USP8: variants seen among roughly 807,000 people sequenced by gnomAD.
The protein encoded by USP8 is ubiquitin carboxyl-terminal hydrolase 8.
A neutral mutation model predicts 130.0 loss-of-function variants in USP8; 27 were observed. That is an observed-to-expected ratio of 0.21 (90% confidence interval 0.15 to 0.29). USP8 has a LOEUF of 0.29. Ranked by LOEUF, USP8 falls within the 10% of genes least tolerant of loss-of-function variation. USP8 has a pLI of 1.00. For missense variants in USP8, 1,029 were observed against 1,312.2 expected (o/e 0.78, Z 3.33); for synonymous variants, 392 against 444.1 (o/e 0.88, Z 1.48).
rs535741597 is a variant in USP8 at position 50,494,282 on chromosome 15, T to TAAGA, written c.2658+5_2658+8dup. On this transcript the variant is annotated splice_region_variant and intron_variant, in intron 16 of 19. Transcript: ENST00000307179. ...GGTCTCCATGAAGATCTAAATAAAG[T>TAAGA]AAGAAATTTGATTTTTCTAAGTTGC... 2.6e-3 allele frequency: 4,122 copies of TAAGA among 1,592,458 alleles called. 8 individuals carry two copies. The highest frequency in any genetic ancestry group is 7.2e-3 in the Middle Eastern group (39 of 5,448).
At chr15:50,484,780 T>C (rs1057442429) in intron 12 of USP8, among the ~76,000 whole-genome samples, 26 of 152,212 alleles carry the variant, frequency 1.7e-4, no homozygotes, top group African/African-American at 6.3e-4. Context: ...AAATATGGTA[T>C]GTACATGTAA....
chr15:50,480,413 G>A (rs1196158291), intron 10 of USP8, among the ~76,000 whole-genome samples: 2 of 152,072 alleles, frequency 1.3e-5, no homozygotes, highest in Non-Finnish European at 2.9e-5. Flanking sequence ...ATTCTAGGAG[G>A]GAAGAAAAAT....
In USP8 at chr15:50,505,699, C is replaced by T. The variant is rs1015660295; in HGVS notation, c.*6611C>T. On this transcript the variant is annotated 3_prime_UTR_variant, in exon 20 of 20. Coordinates refer to ENST00000307179, the MANE Select transcript of USP8 (RefSeq NM_005154.5). ...ACCGGCTGGGCATGGTGGTTCACAC[C>T]TGTAATCCCAGCACTTTGGAAGGCC... 3 of 152,396 alleles carry T rather than the reference C, an allele frequency of 2.0e-5. No individual in the cohort carries two copies. Among genetic ancestry groups the T allele is most frequent in the African/African-American group, 7.2e-5 (3 of 41,452 alleles). The allele number at this position is 152,396 out of a possible 1,614,324, so 9.4% of individuals were successfully genotyped here. A position where few individuals can be genotyped will look rare whatever the true frequency, so the allele number is the denominator to read the frequency against.
intron 18 of USP8, chr15:50,498,176 T>C (rs1337835400): frequency 1.9e-5 from 3 of 155,922 alleles, no homozygotes; most frequent in Non-Finnish European, 4.2e-5. Context: ...TGAATGACAT[T>C]ATTTTAGTCA....
At chr15:50,496,484 AAAAAAAAAAAAAAAAACC>A (rs1595992907) in intron 17 of USP8, among the ~76,000 whole-genome samples, 1 of 151,436 alleles carries the variant, frequency 6.6e-6, no homozygotes, top group South Asian at 2.1e-4. Flanking sequence ...CCGTCTTAAA[AAAAAAAAAAAAAAAAACC>A]TTTTATCAGT....
chr15:50,446,984 A>T (rs542305507), intron 3 of USP8, among the ~76,000 whole-genome samples: 1 of 152,192 alleles, frequency 6.6e-6, no homozygotes, highest in Non-Finnish European at 1.5e-5. Flanking sequence ...GGACACAAAA[A>T]TTAAATCTTT....
intron 5 of USP8, among the ~76,000 whole-genome samples, chr15:50,460,842 G>C (rs1050903616): frequency 2.0e-5 from 3 of 151,974 alleles, no homozygotes; most frequent in African/African-American, 7.3e-5. Flanking sequence ...ATTCTGTGTG[G>C]ATCATCATTC....
chr15:50,433,422 T>C (rs1399878447), intron 1 of USP8, among the ~76,000 whole-genome samples: 2 of 152,116 alleles, frequency 1.3e-5, no homozygotes, highest in African/African-American at 4.8e-5. Flanking sequence ...TTCCTTTCAA[T>C]ATTGCCAAAG....
At chr15:50,463,293 C>T (rs1430172349) in intron 6 of USP8, 1 of 152,188 alleles carries the variant, frequency 6.6e-6, no homozygotes, top group Non-Finnish European at 1.5e-5. Flanking sequence ...CGTTGATGCT[C>T]TAGTGACAAA....
intron 14 of USP8, among the ~76,000 whole-genome samples, chr15:50,492,385 A>C (rs912157180): frequency 1.3e-5 from 2 of 152,152 alleles, no homozygotes; most frequent in Non-Finnish European, 2.9e-5. Context: ...AAGGAGTTTA[A>C]AAGAGCCTTC....
At chr15:50,434,772 A>G (rs751527144) in intron 1 of USP8, among the ~76,000 whole-genome samples, 1 of 151,846 alleles carries the variant, frequency 6.6e-6, no homozygotes, top group Non-Finnish European at 1.5e-5. Flanking sequence ...ATGTGCCACC[A>G]CCACGCCTGG....
Position 50,462,294 on chromosome 15 carries a change from G to T in USP8, c.513G>T (p.Lys171Asn), listed in dbSNP as rs572018148. Residue 171 changes from lysine to asparagine, a missense_variant, in exon 6 of 20, where the codon AAG becomes AAT. Physicochemically the swap from Lys to Asn is moderately conservative, Grantham distance 94. This residue lies in a region of USP8 where 281 missense variants were observed against 336.7 expected (regional missense o/e 0.83). Coordinates refer to ENST00000307179, the MANE Select transcript of USP8 (RefSeq NM_005154.5). Reference sequence around the variant, plus strand: ...CTATGCAATAGAGCAATGGTGAAAAGAATGAAAAATGTGAGACCAAAGAGA... The same window carrying T: ...CTATGCAATAGAGCAATGGTGAAAATAATGAAAAATGTGAGACCAAAGAGA... Reference protein sequence around the residue: ...KDKTQKSNGEKNEKCETKEKG... With the variant: ...KDKTQKSNGENNEKCETKEKG... 6.2e-7 allele frequency: 1 copy of T among 1,601,864 alleles called. No homozygotes were observed. The highest frequency in any genetic ancestry group is 1.3e-5 in the African/African-American group (1 of 74,128).
chr15:50,425,072 G>C (rs1331622115), intron 1 of USP8, among the ~76,000 whole-genome samples: 4 of 151,916 alleles, frequency 2.6e-5, no homozygotes. Context: ...CTCCACCTTG[G>C]AAATTATCAG....
At chr15:50,438,473 C>G (rs536817022) in intron 1 of USP8, among the ~76,000 whole-genome samples, 26 of 152,164 alleles carry the variant, frequency 1.7e-4, no homozygotes, top group Non-Finnish European at 3.2e-4. Context: ...GGAATTCCAG[C>G]TACTTGGAGG....
chr15:50,496,642 A>G (rs1262414057), intron 17 of USP8, among the ~76,000 whole-genome samples: 3 of 152,140 alleles, frequency 2.0e-5, no homozygotes, highest in Non-Finnish European at 4.4e-5. Flanking sequence ...GTTTTTAAAA[A>G]GTTTTATAAG....
chr15:50,498,862 T>G, intron 19 of USP8, 41 bp from the exon 20 acceptor site: 1 of 1,562,882 alleles, frequency 6.4e-7, no homozygotes, highest in Non-Finnish European at 8.7e-7. Flanking sequence ...AAATAACAAT[T>G]TTAACTGAAT....
chr15:50,447,989 C>T lies in USP8; in HGVS notation c.250-1411C>T, dbSNP rs538187031. ...CCTGACATCAGATAGATGATCCACCCACCCCAGCCTCCCAAAGTGCTGGGA... is the reference window on the plus strand; with the variant it reads ...CCTGACATCAGATAGATGATCCACCTACCCCAGCCTCCCAAAGTGCTGGGA... On this transcript the variant is annotated intron_variant, in intron 3 of 19. Coordinates refer to ENST00000307179, the MANE Select transcript of USP8 (RefSeq NM_005154.5). Among the ~76,000 whole-genome samples the T allele has an allele frequency of 5.9e-5, 9 of 152,006 alleles. No homozygotes were observed. The South Asian group carries it at 1.2e-3, about 21-fold the overall frequency.
At chr15:50,437,373 T>C (rs2141251852) in intron 1 of USP8, among the ~76,000 whole-genome samples, 1 of 152,346 alleles carries the variant, frequency 6.6e-6, no homozygotes, top group South Asian at 2.1e-4. Context: ...ACCTCATTTA[T>C]ATCTTTAAGC....
intron 3 of USP8, among the ~76,000 whole-genome samples, chr15:50,443,112 C>T (rs1292617458): frequency 6.6e-6 from 1 of 152,152 alleles, no homozygotes; most frequent in Non-Finnish European, 1.5e-5. Context: ...ATTCTCAGCT[C>T]ACTGCAACCT....
Sources: allele counts gnomAD v4.1 joint callset (sites outside exome capture counted in the v4.1 genomes callset), GRCh38; gene constraint gnomAD v4.1.1; regional missense constraint gnomAD v4.1.1; transcripts MANE v1.5; gene names NCBI Gene and HGNC (gene_info 2026-07-23, HGNC 2026-07-21).